Variants in DISP1 observed in about 807,000 individuals in gnomAD.
DISP1 encodes the protein dispatched RND transporter family member 1.
DISP1 carries 30 observed loss-of-function variants against 37.3 expected under a neutral mutation model. The ratio of observed to expected loss-of-function variants is 0.80; its 90% CI spans 0.60 to 1.09. The LOEUF (loss-of-function observed/expected upper bound fraction) is 1.09, where lower values mean the gene tolerates loss of function less well. DISP1 is among the 50% of genes least tolerant of loss of function. The pLI is 0.00. For synonymous variants in DISP1, 634 were observed against 690.2 expected (o/e 0.92, Z 1.28); for missense variants, 1,598 against 1,879.5 (o/e 0.85, Z 2.77).
In DISP1 at chr1:222,885,077, C is replaced by T. The variant is rs1393720053; in HGVS notation, c.-158-43353C>T. ...TCTCCTGACCTCGTGATCCGCCCGC[C>T]TCGGCCTCCCAAAGTGCTGGGATTA... is the stretch of plus-strand genomic sequence containing the variant. On this transcript the variant is annotated intron_variant, in intron 1 of 8. Transcript: ENST00000675850. Among the ~76,000 whole-genome samples, 5 of 152,140 alleles carry T rather than the reference C, an allele frequency of 3.3e-5. No individual in the cohort carries two copies. In the East Asian group the frequency reaches 9.6e-4, roughly 29 times the overall value.
chr1:222,932,039 T>G (rs1673433329), intron 2 of DISP1, among the ~76,000 whole-genome samples: 1 of 151,902 alleles, frequency 6.6e-6, no homozygotes, highest in Admixed American at 6.6e-5. Context: ...TAAAAAAAAG[T>G]AAAGATAGTT....
intron 1 of DISP1, among the ~76,000 whole-genome samples, chr1:222,873,524 T>C (rs574223574): frequency 6.6e-6 from 1 of 152,266 alleles, no homozygotes; most frequent in Admixed American, 6.5e-5. Flanking sequence ...TTTACCATTA[T>C]GTAATGGCCT....
intron 3 of DISP1, among the ~76,000 whole-genome samples, chr1:222,962,012 GA>G (rs147361599): frequency 4.0e-5 from 6 of 149,152 alleles, no homozygotes; most frequent in Non-Finnish European, 8.9e-5. Context: ...CTCAAAAAAA[GA>G]AAAAAAAAGA....
In DISP1 at chr1:222,988,866, T is replaced by A. The variant is rs540010530; in HGVS notation, c.540-1759T>A. ...CAGAGTTTCACCATGTTGGCCAGGC[T>A]GGTCTCAAACTCCTGACCTCAGGTG... On this transcript the variant is annotated intron_variant, in intron 4 of 8. Coordinates refer to ENST00000675850, the MANE Select transcript of DISP1 (RefSeq NM_001377229.1). Among the ~76,000 whole-genome samples, 13 of 152,294 alleles carry A rather than the reference T, an allele frequency of 8.5e-5. 1 individual carries two copies. In the South Asian group the frequency reaches 2.5e-3, roughly 29 times the overall value.
At chr1:222,917,452 C>G (rs367718792) in intron 1 of DISP1, among the ~76,000 whole-genome samples, 1 of 152,070 alleles carries the variant, frequency 6.6e-6, no homozygotes, top group African/African-American at 2.4e-5. Flanking sequence ...ACAAGAAACC[C>G]CTTTACAAGT....
chr1:222,878,367 A>G (rs1236066289), intron 1 of DISP1, among the ~76,000 whole-genome samples: 19 of 152,182 alleles, frequency 1.2e-4, no homozygotes, highest in Admixed American at 1.2e-3. Flanking sequence ...TACAGATTCT[A>G]AGTTTATATG....
At chr1:222,953,406 T>G (rs1675370866) in intron 3 of DISP1, among the ~76,000 whole-genome samples, 1 of 152,176 alleles carries the variant, frequency 6.6e-6, no homozygotes. Flanking sequence ...AATAAAGACA[T>G]GATGTGTTCC....
chr1:222,936,246 GT>G (rs1673714482), intron 2 of DISP1, among the ~76,000 whole-genome samples: 1 of 152,090 alleles, frequency 6.6e-6, no homozygotes, highest in Non-Finnish European at 1.5e-5. Flanking sequence ...TAAGTACACT[GT>G]GATGACCACA....
intron 1 of DISP1, among the ~76,000 whole-genome samples, chr1:222,916,538 A>G (rs1056689553): frequency 6.6e-6 from 1 of 152,184 alleles, no homozygotes; most frequent in Non-Finnish European, 1.5e-5. Flanking sequence ...TTGAAATGGC[A>G]TTTGCTGAGC....
rs571829444 is a variant in DISP1, at chr1:222,828,335, T to G, written c.-159+13257T>G. 5.9e-5 allele frequency among the ~76,000 whole-genome samples: 9 copies of G among 152,328 alleles called. No homozygotes were observed. The East Asian group carries it at 1.3e-3, about 23-fold the overall frequency. On this transcript the variant is annotated intron_variant, in intron 1 of 8. Transcript: ENST00000675850. Reference sequence around the variant, plus strand: ...TTTCTGTTCTATTTCTTTTTTTCTCTATGGTTACCGTAGAAATGTTAATAT... The same window carrying G: ...TTTCTGTTCTATTTCTTTTTTTCTCGATGGTTACCGTAGAAATGTTAATAT...
At chr1:222,878,831 G>A (rs548376808) in intron 1 of DISP1, among the ~76,000 whole-genome samples, 2 of 152,160 alleles carry the variant, frequency 1.3e-5, no homozygotes, top group East Asian at 3.9e-4. Flanking sequence ...TTCTTAAAAA[G>A]ATCTTTAAGG....
In DISP1 at chr1:222,837,964, C is replaced by T. The variant is rs78708779; in HGVS notation, c.-159+22886C>T. Among the ~76,000 whole-genome samples, 452 of 152,280 alleles carry T rather than the reference C, an allele frequency of 3.0e-3. 1 individual carries two copies. Among genetic ancestry groups the T allele is most frequent in the Non-Finnish European group, 4.8e-3 (327 of 68,010 alleles). ...ATTGGTTCCCTGGTCCACCCTTTCT[C>T]ATCCCTGCATGGTTATCCCCAGAGG... On this transcript the variant is annotated intron_variant, in intron 1 of 8. Transcript: ENST00000675850.
chr1:222,951,549 C>G (rs944780582), intron 3 of DISP1, among the ~76,000 whole-genome samples: 2 of 85,540 alleles, frequency 2.3e-5, no homozygotes, highest in African/African-American at 9.8e-5. Context: ...TTGAACACTT[C>G]ATCAACATTG....
chr1:222,873,407 C>G (rs1293637045), intron 1 of DISP1, among the ~76,000 whole-genome samples: 1 of 152,142 alleles, frequency 6.6e-6, no homozygotes, highest in African/African-American at 2.4e-5. Context: ...GTGTGGGAGT[C>G]TAAGTCTCTT....
chr1:222,887,495 T>TG lies in DISP1; in HGVS notation c.-158-40935_-158-40934insG, dbSNP rs1406391373. 7.6e-4 allele frequency among the ~76,000 whole-genome samples: 78 copies of TG among 103,088 alleles called. 8 individuals are homozygous for TG. The highest frequency in any genetic ancestry group is 1.2e-3 in the Non-Finnish European group (56 of 45,512). The allele number at this position is 103,088 out of a possible 152,430, so 67.6% of individuals were successfully genotyped here. A position where few individuals can be genotyped will look rare whatever the true frequency, so the allele number is the denominator to read the frequency against. ...ATGTCACATTGTTTTTGTTTTTTTT[T>TG]TTTTTTTTTTTTTTGAGACGGAGTC... is the stretch of plus-strand genomic sequence containing the variant. On this transcript the variant is annotated intron_variant, in intron 1 of 8. Transcript: ENST00000675850.
intron 1 of DISP1, among the ~76,000 whole-genome samples, chr1:222,874,109 C>G (rs1269922093): frequency 6.6e-6 from 1 of 152,226 alleles, no homozygotes; most frequent in Non-Finnish European, 1.5e-5. Context: ...GCCCCAGACT[C>G]TCTTTTGGCT....
chr1:223,004,770 T>A lies in DISP1; in HGVS notation c.3373T>A (p.Phe1125Ile). The A allele has an allele frequency of 6.2e-7, 1 of 1,613,448 alleles. No homozygotes were observed. Among genetic ancestry groups the A allele is most frequent in the Non-Finnish European group, 8.5e-7 (1 of 1,180,028 alleles). Residue 1125 changes from phenylalanine (F) to isoleucine (I), a missense_variant, in exon 9 of 9, where the codon TTC becomes ATC. Phe to Ile is a conservative substitution (Grantham distance 21). Coordinates refer to ENST00000675850, the MANE Select transcript of DISP1 (RefSeq NM_001377229.1). The surrounding 1 kb of genome is among the most constrained non-coding windows in gnomAD (Gnocchi z 4.9). ...GTGTATCAGTTGGGCTTTCGCCACCTTCTTTTTCCAGTGCATGTGCCGGTG... is the reference window on the plus strand; with the variant it reads ...GTGTATCAGTTGGGCTTTCGCCACCATCTTTTTCCAGTGCATGTGCCGGTG... ...IMCISWAFATFFFQCMCRCLG... is the reference protein window; with the variant it reads ...IMCISWAFATIFFQCMCRCLG...
chr1:222,901,850 A>G (rs1198932127), intron 1 of DISP1, among the ~76,000 whole-genome samples: 1 of 152,198 alleles, frequency 6.6e-6, no homozygotes, highest in African/African-American at 2.4e-5. Flanking sequence ...CAGAAATGCT[A>G]CAAAAGCATA....
At chr1:222,947,997 C>G (rs185814563) in intron 3 of DISP1, among the ~76,000 whole-genome samples, 2 of 152,074 alleles carry the variant, frequency 1.3e-5, no homozygotes, top group Non-Finnish European at 2.9e-5. Context: ...GATTGGATAT[C>G]GGAGGGGCAA....
Sources: allele counts gnomAD v4.1 joint callset (sites outside exome capture counted in the v4.1 genomes callset), GRCh38; gene constraint gnomAD v4.1.1; non-coding constraint Gnocchi (gnomAD v3.1); transcripts MANE v1.5; gene names NCBI Gene and HGNC (gene_info 2026-07-23, HGNC 2026-07-21).